The following TMPRSS2 variants were observed in gnomAD, a reference collection of about 807,000 sequenced individuals.
TMPRSS2 encodes the protein transmembrane serine protease 2.
A neutral mutation model predicts 67.4 loss-of-function variants in TMPRSS2; 59 were observed. That is an observed-to-expected ratio of 0.88 (90% CI 0.71 to 1.09). TMPRSS2 has a LOEUF of 1.09. TMPRSS2 is among the 50% of genes least tolerant of loss of function. The pLI, the probability that TMPRSS2 is intolerant of heterozygous loss-of-function variation, is 0.00. For missense variants in TMPRSS2, 668 were observed against 642.7 expected (o/e 1.04, Z -0.43); for synonymous variants, 257 against 257.0 (o/e 1.00, Z 0.00).
Position 41,470,645 on chromosome 21 carries a change from C to T in TMPRSS2, c.1171+3G>A, listed in dbSNP as rs375291655. The T allele has an allele frequency of 3.1e-6, 5 of 1,613,000 alleles. No homozygotes were observed. The African/African-American group carries it at 5.3e-5, about 17-fold the overall frequency. ...AGTCCTGTGTGCCCAGGAGCAGCCT[C>T]ACCTTTCTCCTCGGTGGCCCCCCAC... On this transcript the variant is annotated splice_donor_region_variant and intron_variant, in intron 11 of 13. Coordinates refer to ENST00000332149, the MANE Select transcript of TMPRSS2 (RefSeq NM_005656.4).
chr21:41,465,883 T>G lies in TMPRSS2; in HGVS notation c.*259A>C. On this transcript the variant is annotated 3_prime_UTR_variant, in exon 14 of 14. Coordinates refer to ENST00000332149, the MANE Select transcript of TMPRSS2 (RefSeq NM_005656.4). ...CTCAATGGGGCAGCCTCCACCCCTC[T>G]CCTCCACACTTGACCGCCAGTGCCC... 1.8e-6 allele frequency: 1 copy of G among 553,502 alleles called. No homozygotes were observed. The highest frequency in any genetic ancestry group is 3.1e-5 in the East Asian group (1 of 32,430). The allele number at this position is 553,502 out of a possible 1,614,324, so 34.3% of individuals were successfully genotyped here. A position where few individuals can be genotyped will look rare whatever the true frequency, so the allele number is the denominator to read the frequency against.
Position 41,471,793 on chromosome 21 carries a change from G to T in TMPRSS2, c.1075+13C>A. On this transcript the variant is annotated intron_variant, in intron 10 of 13. Coordinates refer to ENST00000332149, the MANE Select transcript of TMPRSS2 (RefSeq NM_005656.4). ...TTCTGCCAACCTGCTTGCCAAGCCT[G>T]AGCCACACGTACCGTTGAAAGTCAG... 1.3e-6 allele frequency: 2 copies of T among 1,585,100 alleles called. No homozygotes were observed. The highest frequency in any genetic ancestry group is 1.7e-6 in the Non-Finnish European group (2 of 1,160,966).
At chr21:41,493,779 G>A (rs1384952582) in intron 3 of TMPRSS2, among the ~76,000 whole-genome samples, 2 of 152,220 alleles carry the variant, frequency 1.3e-5, no homozygotes, top group Non-Finnish European at 1.5e-5. Flanking sequence ...AGGGACTGAA[G>A]TGACAGCAAA....
In TMPRSS2 at chr21:41,478,277, C is replaced by G. The variant is rs914659905; in HGVS notation, c.683+895G>C. Among the ~76,000 whole-genome samples the G allele has an allele frequency of 2.6e-5, 4 of 152,178 alleles. No individual in the cohort carries two copies. Among genetic ancestry groups the G allele is most frequent in the Non-Finnish European group, 5.9e-5 (4 of 68,040 alleles). On this transcript the variant is annotated intron_variant, in intron 7 of 13. Transcript: ENST00000332149. This position sits in a 1 kb window ranked among gnomAD's most constrained non-coding sequence, Gnocchi z 4.0. Reference sequence around the variant, plus strand: ...ACCAGCGGCCTCCAGGAATGCAAACCTGCCCCAGGCTCCCACTCAGAGGAA... The same window carrying G: ...ACCAGCGGCCTCCAGGAATGCAAACGTGCCCCAGGCTCCCACTCAGAGGAA...
Position 41,494,531 on chromosome 21 carries a change from T to C in TMPRSS2, c.63A>G (p.Gln21=). The C allele has an allele frequency of 6.2e-7, 1 of 1,613,774 alleles. No individual in the cohort carries two copies. The highest frequency in any genetic ancestry group is 8.5e-7 in the Non-Finnish European group (1 of 1,179,956). ...GCTGTGCGGGATAGGGGTTTTCCGGTTGGTATCCATGGTTTTCATAGTAAG... is the reference window on the plus strand; with the variant it reads ...GCTGTGCGGGATAGGGGTTTTCCGGCTGGTATCCATGGTTTTCATAGTAAG... ...IGPYYENHGY[Q]PENPYPAQPT... The change falls in exon 3 of 14, where the codon CAA becomes CAG. Residue 21 remains glutamine (Q), a synonymous_variant. Transcript: ENST00000332149.
At chr21:41,466,412 G>C (rs977881173) in intron 13 of TMPRSS2, among the ~76,000 whole-genome samples, 1 of 152,180 alleles carries the variant, frequency 6.6e-6, no homozygotes. Context: ...GGCCTCCCCC[G>C]GCTGCTCTCC....
At chr21:41,479,140 C>T (rs1269074593) in intron 7 of TMPRSS2, 32 bp downstream of exon 7, 1 of 1,555,778 alleles carries the variant, frequency 6.4e-7, no homozygotes, top group East Asian at 2.2e-5. Context: ...TGATTTCATT[C>T]CAAAATTTTT....
At chr21:41,492,502 T>C (rs2091345912) in intron 3 of TMPRSS2, among the ~76,000 whole-genome samples, 1 of 152,230 alleles carries the variant, frequency 6.6e-6, no homozygotes, top group Non-Finnish European at 1.5e-5. Flanking sequence ...TGCTACTCAA[T>C]AACTGGGAGA....
At chr21:41,497,105 G>A (rs1456889879) in intron 2 of TMPRSS2, among the ~76,000 whole-genome samples, 1 of 152,014 alleles carries the variant, frequency 6.6e-6, no homozygotes, top group Non-Finnish European at 1.5e-5. Context: ...CCTCCCAAAG[G>A]GCTGGATGAC....
chr21:41,470,196 A>T (rs9974589), intron 11 of TMPRSS2, among the ~76,000 whole-genome samples: 3 of 151,798 alleles, frequency 2.0e-5, no homozygotes, highest in East Asian at 1.9e-4. Context: ...CAGATTGCAA[A>T]GGAAGTGGGT....
At chr21:41,492,718 T>C (rs2091347246) in intron 3 of TMPRSS2, among the ~76,000 whole-genome samples, 1 of 152,248 alleles carries the variant, frequency 6.6e-6, no homozygotes, top group Admixed American at 6.5e-5. Context: ...GACTGATATA[T>C]CCCTGTCCAA....
chr21:41,475,732 G>T (rs1369580755), intron 8 of TMPRSS2, among the ~76,000 whole-genome samples: 12 of 136,596 alleles, frequency 8.8e-5, no homozygotes, highest in Non-Finnish European at 1.6e-4. Context: ...GTGAGTAGGG[G>T]GTGAGTGAGG....
intron 9 of TMPRSS2, among the ~76,000 whole-genome samples, chr21:41,472,836 G>A (rs2091146262): frequency 6.6e-6 from 1 of 152,200 alleles, no homozygotes. Context: ...GGGGGTGGTA[G>A]CGTCCATAAA....
In TMPRSS2 at chr21:41,467,825, G is replaced by C. The variant is rs145171279; in HGVS notation, c.1376C>G (p.Thr459Arg). The C allele has an allele frequency of 1.2e-6, 2 of 1,614,230 alleles. No homozygotes were observed. The highest frequency in any genetic ancestry group is 1.7e-6 in the Non-Finnish European group (2 of 1,180,042). Residue 459 changes from threonine (T) to arginine (R), a missense_variant, in exon 13 of 14, where the codon ACA becomes AGA. Coordinates refer to ENST00000332149, the MANE Select transcript of TMPRSS2 (RefSeq NM_005656.4). The stretch of plus-strand genomic sequence containing the variant: ...TTTGGCACAGCCAGAACCCCAGCTT[G>C]TATCCCCTATCAGCCACCAGATATT... Reference protein sequence around the residue: ...KNNIWWLIGDTSWGSGCAKAY... With the variant: ...KNNIWWLIGDRSWGSGCAKAY...
At chr21:41,468,241 G>A (rs146605032) in intron 12 of TMPRSS2, 155 bp downstream of exon 12, 36 of 898,594 alleles carry the variant, frequency 4.0e-5, no homozygotes, top group African/African-American at 3.3e-4. Context: ...CACCAGAAGC[G>A]TTCGCACTGT....
intron 3 of TMPRSS2, among the ~76,000 whole-genome samples, chr21:41,490,701 A>G (rs2091328884): frequency 6.6e-6 from 1 of 152,276 alleles, no homozygotes; most frequent in Non-Finnish European, 1.5e-5. Context: ...AGACAGCTAC[A>G]GGTGCCAGAG....
intron 9 of TMPRSS2, among the ~76,000 whole-genome samples, chr21:41,472,456 T>C (rs778838302): frequency 2.6e-5 from 4 of 151,628 alleles, no homozygotes; most frequent in African/African-American, 4.9e-5. Context: ...GAGCACCCAG[T>C]GGTGTGAAGA....
At chr21:41,504,255 TACC>T (rs1225383374) in intron 1 of TMPRSS2, among the ~76,000 whole-genome samples, 1 of 152,184 alleles carries the variant, frequency 6.6e-6, no homozygotes, top group Non-Finnish European at 1.5e-5. Context: ...CCTGCTTTCT[TACC>T]ACAACTCTGT....
Position 41,488,459 on chromosome 21 carries a change from A to T in TMPRSS2, c.380T>A (p.Ile127Asn), listed in dbSNP as rs1245063049. ...GIECDSSGTC[I>N]NPSNWCDGVS... ...GCCATCACACCAGTTAGAGGGGTTG[A>T]TGCAGGTACCTGAGGAGTCGCACTC... Residue 127 changes from isoleucine to asparagine, a missense_variant, in exon 5 of 14, where the codon ATC (isoleucine) becomes AAC (asparagine). Coordinates refer to ENST00000332149, the MANE Select transcript of TMPRSS2 (RefSeq NM_005656.4). The T allele has an allele frequency of 6.2e-7, 1 of 1,613,980 alleles. No individual in the cohort carries two copies.
Sources: allele counts gnomAD v4.1 joint callset (sites outside exome capture counted in the v4.1 genomes callset), GRCh38; gene constraint gnomAD v4.1.1; non-coding constraint Gnocchi (gnomAD v3.1); transcripts MANE v1.5; gene names NCBI Gene and HGNC (gene_info 2026-07-23, HGNC 2026-07-21).